The following SLC35D4 variants were observed in gnomAD, a reference collection of about 807,000 sequenced individuals.
SLC35D4 encodes the protein solute carrier family 35 member D4, also known as UDP-N-acetylglucosamine transporter SLC35D4.
the SLC35D4 span, among the ~76,000 whole-genome samples, chr18:23,393,322 C>T: frequency 1.3e-5 from 2 of 152,028 alleles, no homozygotes; most frequent in African/African-American, 2.4e-5. Flanking sequence ...ACATTCACAC[C>T]ATTGTACAAC....
chr18:23,293,858 T>A, the SLC35D4 span, among the ~76,000 whole-genome samples: 1 of 152,210 alleles, frequency 6.6e-6, no homozygotes, highest in Admixed American at 6.5e-5. Context: ...AGTGGCACAG[T>A]CATGGCTCAT....
chr18:23,311,555 T>G, the SLC35D4 span, among the ~76,000 whole-genome samples: 5 of 152,254 alleles, frequency 3.3e-5, no homozygotes, highest in African/African-American at 1.2e-4. Context: ...CTGCTTATTA[T>G]CCTGCAACAG....
the SLC35D4 span, among the ~76,000 whole-genome samples, chr18:23,361,147 A>T: frequency 6.6e-6 from 1 of 151,698 alleles, no homozygotes; most frequent in Non-Finnish European, 1.5e-5. Context: ...ATAGAAAAAA[A>T]GAAGGGGTAA....
chr18:23,322,166 C>A, the SLC35D4 span, among the ~76,000 whole-genome samples: 6 of 152,220 alleles, frequency 3.9e-5, no homozygotes, highest in African/African-American at 1.4e-4. Context: ...CCAGACTCCA[C>A]ACAGTCTCTT....
chr18:23,262,577 G>A, the SLC35D4 span, among the ~76,000 whole-genome samples: 3 of 152,196 alleles, frequency 2.0e-5, no homozygotes, highest in Non-Finnish European at 4.4e-5. Context: ...TCCTGATGTC[G>A]GGCAGAGCCT....
chr18:23,411,965 T>C, the SLC35D4 span, among the ~76,000 whole-genome samples: 1 of 152,270 alleles, frequency 6.6e-6, no homozygotes, highest in Non-Finnish European at 1.5e-5. Context: ...GCTGAATTTT[T>C]GAAAATTCTA....
At chr18:23,422,545 G>A in the SLC35D4 span, among the ~76,000 whole-genome samples, 3 of 152,144 alleles carry the variant, frequency 2.0e-5, no homozygotes, top group Non-Finnish European at 4.4e-5. Flanking sequence ...TCTCATGCCT[G>A]GCTCACAGCA....
chr18:23,424,004 G>A, the SLC35D4 span, among the ~76,000 whole-genome samples: 16 of 152,134 alleles, frequency 1.1e-4, no homozygotes, highest in Non-Finnish European at 2.1e-4. Flanking sequence ...GTGACACGTC[G>A]CATTTACATT....
the SLC35D4 span, among the ~76,000 whole-genome samples, chr18:23,362,377 T>A: frequency 6.6e-6 from 1 of 152,094 alleles, no homozygotes; most frequent in Admixed American, 6.6e-5. Context: ...GGCAGGCAGA[T>A]CACTTGAGGT....
chr18:23,246,421 TTG>T, the SLC35D4 span, among the ~76,000 whole-genome samples: 5 of 152,192 alleles, frequency 3.3e-5, no homozygotes, highest in Admixed American at 2.0e-4. Flanking sequence ...AGACGGAGTC[TTG>T]CTCTGTCGCC....
chr18:23,259,228 G>C, the SLC35D4 span: 2 of 152,164 alleles, frequency 1.3e-5, no homozygotes, highest in Non-Finnish European at 2.9e-5. Context: ...TACAGGGGGA[G>C]AGCCTTTCTG....
At chr18:23,321,538 CT>C in the SLC35D4 span, among the ~76,000 whole-genome samples, 1 of 152,150 alleles carries the variant, frequency 6.6e-6, no homozygotes. Flanking sequence ...TCACTGCAGC[CT>C]TAACCTCCCA....
At chr18:23,338,234 G>A in the SLC35D4 span, among the ~76,000 whole-genome samples, 1 of 152,194 alleles carries the variant, frequency 6.6e-6, no homozygotes, top group Non-Finnish European at 1.5e-5. Flanking sequence ...GACAATAACT[G>A]ATTAAATATG....
At chr18:23,324,145 T>G in the SLC35D4 span, among the ~76,000 whole-genome samples, 1 of 151,206 alleles carries the variant, frequency 6.6e-6, no homozygotes, top group Admixed American at 6.6e-5. Flanking sequence ...AGACCAGAGT[T>G]TGCTCTCCTC....
the SLC35D4 span, among the ~76,000 whole-genome samples, chr18:23,403,363 C>A: frequency 6.6e-6 from 1 of 152,140 alleles, no homozygotes; most frequent in East Asian, 1.9e-4. Flanking sequence ...CTGACCTAAT[C>A]AGTGAGAATA....
At chr18:23,365,680 A>G in the SLC35D4 span, 1 of 1,613,282 alleles carries the variant, frequency 6.2e-7, no homozygotes, top group South Asian at 1.1e-5. Flanking sequence ...TGGAAAAGAG[A>G]CAGCAAAGTA....
the SLC35D4 span, among the ~76,000 whole-genome samples, chr18:23,407,985 C>A: frequency 1.3e-5 from 2 of 152,140 alleles, no homozygotes; most frequent in African/African-American, 4.8e-5. Flanking sequence ...ATATGCCAAG[C>A]ACCTCAGGGC....
At chr18:23,408,148 G>GACACACAC in the SLC35D4 span, among the ~76,000 whole-genome samples, 3,722 of 136,270 alleles carry the variant, frequency 0.027, 54 homozygotes, top group Middle Eastern at 0.061. Flanking sequence ...ACTGGCCTGA[G>GACACACAC]ACACACACAC....
chr18:23,312,792 T>C, the SLC35D4 span, among the ~76,000 whole-genome samples: 2 of 152,038 alleles, frequency 1.3e-5, no homozygotes, highest in African/African-American at 4.8e-5. Flanking sequence ...CCAAGGTCAG[T>C]GCCGCAGAGC....
Sources: gnomAD v4.1 joint callset for allele counts (sites outside exome capture counted in the v4.1 genomes callset) on GRCh38, gnomAD v4.1.1 for gene constraint, MANE v1.5 for transcripts, NCBI Gene and HGNC (gene_info 2026-07-23, HGNC 2026-07-21) for gene names.